The following HM13 variants were observed in gnomAD, a reference collection of about 807,000 sequenced individuals.
The protein encoded by HM13 is signal peptide peptidase.
HM13 carries 18 observed loss-of-function variants against 50.0 expected under a neutral mutation model. That is an observed-to-expected ratio of 0.36 (90% CI 0.25 to 0.53). The LOEUF is 0.53. HM13 is among the 20% of genes least tolerant of loss of function. The pLI, the probability that HM13 is intolerant of heterozygous loss-of-function variation, is 0.90. For missense variants in HM13, 393 were observed against 552.4 expected (o/e 0.71, Z 2.89); for synonymous variants, 197 against 232.6 (o/e 0.85, Z 1.39).
At chr20:31,549,546 G>A (rs540832537) in intron 6 of HM13, among the ~76,000 whole-genome samples, 1 of 152,270 alleles carries the variant, frequency 6.6e-6, no homozygotes, top group Admixed American at 6.5e-5. Flanking sequence ...CATGCCCGGT[G>A]CCTTCCGACC....
chr20:31,533,362 G>A (rs1031104242), intron 2 of HM13, among the ~76,000 whole-genome samples: 8 of 152,274 alleles, frequency 5.3e-5, no homozygotes, highest in Middle Eastern at 3.4e-3. Context: ...AAAGTTAACC[G>A]AGCGTGGTGG....
intron 11 of HM13, 21 bp downstream of exon 11, chr20:31,566,316 G>T: frequency 3.8e-6 from 6 of 1,597,382 alleles, no homozygotes; most frequent in Non-Finnish European, 5.2e-6. Flanking sequence ...GTGGGGGGCA[G>T]ATGTCCTCAT....
chr20:31,539,384 G>T (rs1009659966), intron 3 of HM13: 1 of 985,362 alleles, frequency 1.0e-6, no homozygotes, highest in Non-Finnish European at 1.2e-6. Context: ...AACTCACCTT[G>T]AACTTAGCTT....
chr20:31,555,984 C>G (rs1364933235), intron 8 of HM13, among the ~76,000 whole-genome samples: 4 of 150,970 alleles, frequency 2.6e-5, no homozygotes, highest in African/African-American at 9.8e-5. Context: ...AGAAGGAGGT[C>G]TGGCCTGGGC....
At chr20:31,524,024 C>T (rs1271410439) in intron 1 of HM13, among the ~76,000 whole-genome samples, 1 of 152,206 alleles carries the variant, frequency 6.6e-6, no homozygotes, top group Non-Finnish European at 1.5e-5. Context: ...ACCCCCAATA[C>T]AGGCACAGTA....
chr20:31,522,192 G>A (rs1018765303), intron 1 of HM13, among the ~76,000 whole-genome samples: 10 of 152,140 alleles, frequency 6.6e-5, no homozygotes, highest in Non-Finnish European at 1.2e-4. Flanking sequence ...AGAGTCCTGC[G>A]TGTCCTTTGA....
rs372311796 is a variant in HM13, at chr20:31,550,060, C to A, written c.667-4C>A. The A allele has an allele frequency of 6.2e-7, 1 of 1,612,500 alleles. No homozygotes were observed. The highest frequency in any genetic ancestry group is 8.5e-7 in the Non-Finnish European group (1 of 1,178,784). On this transcript the variant is annotated splice_polypyrimidine_tract_variant and splice_region_variant and intron_variant, in intron 6 of 12. Coordinates refer to ENST00000398174, the MANE Select transcript of HM13 (RefSeq NM_178581.3). ...TTCATACTGCTCTTTTTTTCTCCTT[C>A]TAGGTATTTGGCACCAATGTGATGG...
chr20:31,522,722 G>A (rs140204412), intron 1 of HM13, among the ~76,000 whole-genome samples: 15 of 152,158 alleles, frequency 9.9e-5, no homozygotes, highest in Admixed American at 3.9e-4. Flanking sequence ...TGGCTGTGTC[G>A]TGATTCCGTT....
At chr20:31,523,617 T>G (rs1480274691) in intron 1 of HM13, among the ~76,000 whole-genome samples, 10 of 152,226 alleles carry the variant, frequency 6.6e-5, no homozygotes, top group African/African-American at 2.4e-4. Flanking sequence ...ATATGTATCA[T>G]GTCACAGTAT....
chr20:31,549,439 T>G, intron 6 of HM13, 107 bp downstream of exon 6: 1 of 1,456,766 alleles, frequency 6.9e-7, no homozygotes, highest in Non-Finnish European at 9.5e-7. Flanking sequence ...AGAGCTGTTT[T>G]GGGCTGAAGT....
chr20:31,546,781 G>A (rs1314064022), intron 4 of HM13, among the ~76,000 whole-genome samples: 1 of 150,796 alleles, frequency 6.6e-6, no homozygotes, highest in Non-Finnish European at 1.5e-5. Context: ...GACTAAGCTT[G>A]GCCAGGCGCG....
chr20:31,569,251 A>ATCTGTCTGGTCTGG lies in HM13; in HGVS notation c.*32_*33insTCTGTCTGGTCTGG. ...TGGTGCCCGAGCCTCTCAGGGCCAG[A>ATCTGTCTGGTCTGG]CCAGACAGATGGGGGCTGGGCCCAC... On this transcript the variant is annotated 3_prime_UTR_variant, in exon 13 of 13. Transcript: ENST00000398174. The ATCTGTCTGGTCTGG allele has an allele frequency of 7.0e-7, 1 of 1,437,688 alleles. No individual in the cohort carries two copies. Among genetic ancestry groups the ATCTGTCTGGTCTGG allele is most frequent in the African/African-American group, 1.5e-5 (1 of 68,572 alleles). 89.1% of individuals were successfully genotyped at this position (1,437,688 alleles called of 1,614,324 possible). A position where few individuals can be genotyped will look rare whatever the true frequency, so the allele number is the denominator to read the frequency against.
At chr20:31,535,929 A>G (rs1048741984) in intron 2 of HM13, among the ~76,000 whole-genome samples, 16 of 152,202 alleles carry the variant, frequency 1.1e-4, no homozygotes, top group Non-Finnish European at 1.5e-4. Context: ...CCTACACCCA[A>G]GGTGAACTGC....
At chr20:31,549,426 A>G in intron 6 of HM13, 94 bp downstream of exon 6, 6 of 1,538,668 alleles carry the variant, frequency 3.9e-6, no homozygotes, top group Non-Finnish European at 5.3e-6. Flanking sequence ...CATCTGACGG[A>G]GAAGAGCTGT....
chr20:31,520,159 C>A (rs1225885801), intron 1 of HM13, among the ~76,000 whole-genome samples: 1 of 151,518 alleles, frequency 6.6e-6, no homozygotes, highest in East Asian at 2.0e-4. Flanking sequence ...TCCCAGCCCA[C>A]ACTTTTTATT....
intron 1 of HM13, among the ~76,000 whole-genome samples, chr20:31,523,765 T>C (rs1982321387): frequency 6.6e-6 from 1 of 152,168 alleles, no homozygotes; most frequent in Admixed American, 6.6e-5. Context: ...AGCACACTGC[T>C]GGCAAAAGCA....
At chr20:31,527,782 T>C (rs1982584727) in intron 2 of HM13, 200 bp downstream of exon 2, 4 of 542,220 alleles carry the variant, frequency 7.4e-6, no homozygotes, top group African/African-American at 1.9e-5. Context: ...CGTATTTCTT[T>C]TCTCCATGTA....
At chr20:31,547,441 G>A (rs1351707403) in intron 4 of HM13, 3 of 538,192 alleles carry the variant, frequency 5.6e-6, no homozygotes, top group East Asian at 7.0e-5. Context: ...TCCTGCAGGG[G>A]ACTCCACCGG....
rs934823826 is a variant in HM13 at position 31,549,246 on chromosome 20, C to T, written c.580C>T (p.Leu194Phe). ...CAACCTTTTTGGCCTGGCCTTCTCC[C>T]TTAATGGAGTAGAGCTCCTGCACCT... Reference protein sequence around the residue: ...ANNLFGLAFSLNGVELLHLNN... With the variant: ...ANNLFGLAFSFNGVELLHLNN... The change falls in exon 6 of 13, where the codon CTT (leucine) becomes TTT (phenylalanine). Residue 194 changes from leucine (L) to phenylalanine (F), a missense_variant. Around this residue, in one of 3 missense-constraint regions of HM13, gnomAD observed 214 missense variants for 276.1 expected, o/e 0.77. Transcript: ENST00000398174. 1.2e-6 allele frequency: 2 copies of T among 1,614,220 alleles called. No homozygotes were observed. Among genetic ancestry groups the T allele is most frequent in the East Asian group, 2.2e-5 (1 of 44,878 alleles).
Sources: gnomAD v4.1 joint callset for allele counts (sites outside exome capture counted in the v4.1 genomes callset) on GRCh38, gnomAD v4.1.1 for gene constraint, gnomAD v4.1.1 regional missense constraint, MANE v1.5 for transcripts, NCBI Gene and HGNC (gene_info 2026-07-23, HGNC 2026-07-21) for gene names.